Variants in MTUS2 observed in about 807,000 individuals in gnomAD.
MTUS2 encodes microtubule-associated tumor suppressor candidate 2.
In MTUS2, 40 loss-of-function variants were observed where a neutral mutation model predicts 114.1. The observed-to-expected ratio is 0.35, with a 90% CI of 0.27 to 0.46. The LOEUF is 0.46. MTUS2 is among the 20% of genes least tolerant of loss of function. MTUS2 has a pLI of 1.00. For missense variants in MTUS2, 1,679 were observed against 1,705.4 expected (o/e 0.98, Z 0.27); for synonymous variants, 688 against 672.0 (o/e 1.02, Z -0.37).
At chr13:29,460,943 A>AT in intron 9 of MTUS2, among the ~76,000 whole-genome samples, 1 of 150,620 alleles carries the variant, frequency 6.6e-6, no homozygotes, top group Middle Eastern at 3.5e-3. Context: ...TTTCTGTGGG[A>AT]TTTTTCTCTT....
chr13:28,872,070 G>A (rs1877650644), intron 2 of MTUS2, among the ~76,000 whole-genome samples: 1 of 152,214 alleles, frequency 6.6e-6, no homozygotes, highest in African/African-American at 2.4e-5. Flanking sequence ...GGAAGCATGT[G>A]AGCTGACTCA....
At chr13:29,171,156 G>GTGTA (rs1555246816) in intron 5 of MTUS2, among the ~76,000 whole-genome samples, 1,917 of 152,010 alleles carry the variant, frequency 0.013, 40 homozygotes, top group African/African-American at 0.043. Context: ...GTGTGTGTGT[G>GTGTA]TGTATGTGTG....
chr13:29,375,033 C>A (rs958518692), intron 8 of MTUS2, among the ~76,000 whole-genome samples: 6 of 152,074 alleles, frequency 3.9e-5, no homozygotes, highest in African/African-American at 1.4e-4. Flanking sequence ...AAAGAAATTG[C>A]TAAGATATGG....
At chr13:29,393,938 G>C (rs1566177464) in intron 8 of MTUS2, among the ~76,000 whole-genome samples, 1 of 152,166 alleles carries the variant, frequency 6.6e-6, no homozygotes, top group South Asian at 2.1e-4. Flanking sequence ...GAGGCAATCA[G>C]ATATGCATGT....
intron 5 of MTUS2, among the ~76,000 whole-genome samples, chr13:29,131,557 G>A (rs1484086905): frequency 1.3e-5 from 2 of 152,268 alleles, no homozygotes; most frequent in Admixed American, 1.3e-4. Context: ...TGGGGCAGAG[G>A]CATTGTCTTT....
At chr13:29,436,750 T>A (rs1877435724) in intron 8 of MTUS2, among the ~76,000 whole-genome samples, 1 of 151,968 alleles carries the variant, frequency 6.6e-6, no homozygotes, top group Non-Finnish European at 1.5e-5. Context: ...GTCTCTAATC[T>A]CACTTCTATC....
chr13:29,277,250 C>T (rs758501619), intron 5 of MTUS2, among the ~76,000 whole-genome samples: 1 of 152,080 alleles, frequency 6.6e-6, no homozygotes, highest in Admixed American at 6.6e-5. Context: ...TATCATGTAA[C>T]GTGGTCCTAG....
intron 2 of MTUS2, among the ~76,000 whole-genome samples, chr13:28,922,615 G>A (rs552163364): frequency 2.5e-4 from 38 of 152,236 alleles, no homozygotes; most frequent in African/African-American, 8.7e-4. Context: ...GAGAAGCATT[G>A]AGTTCAGTTT....
intron 5 of MTUS2, among the ~76,000 whole-genome samples, chr13:29,181,552 G>A (rs943419749): frequency 2.0e-5 from 3 of 152,186 alleles, no homozygotes; most frequent in African/African-American, 7.2e-5. Context: ...TCTGGGGCAG[G>A]AGCTCCTCAC....
At chr13:29,272,055 T>G (rs1417122789) in intron 5 of MTUS2, among the ~76,000 whole-genome samples, 1 of 152,228 alleles carries the variant, frequency 6.6e-6, no homozygotes, top group African/African-American at 2.4e-5. Flanking sequence ...AATATTTCAT[T>G]TTGAAAAAGA....
At chr13:29,311,576 C>T (rs1029216446) in intron 6 of MTUS2, among the ~76,000 whole-genome samples, 5 of 152,058 alleles carry the variant, frequency 3.3e-5, no homozygotes, top group African/African-American at 7.2e-5. Flanking sequence ...GAATACGTGT[C>T]CTTTTATAAG....
chr13:28,998,438 G>A (rs572193026), intron 2 of MTUS2, among the ~76,000 whole-genome samples: 1 of 152,294 alleles, frequency 6.6e-6, no homozygotes, highest in African/African-American at 2.4e-5. Flanking sequence ...ATATTGGCCT[G>A]CCTTGCTAGA....
intron 2 of MTUS2, among the ~76,000 whole-genome samples, chr13:29,010,210 C>CAAA (rs71658973): frequency 8.6e-6 from 1 of 116,410 alleles, no homozygotes; most frequent in African/African-American, 3.4e-5. Context: ...GACTCCGTCT[C>CAAA]AAAAAAAAAA....
intron 8 of MTUS2, among the ~76,000 whole-genome samples, chr13:29,368,266 C>A (rs145735254): frequency 3.4e-4 from 51 of 151,992 alleles, no homozygotes; most frequent in Non-Finnish European, 6.3e-4. Context: ...CCATGTATCA[C>A]CTGTCCCACC....
At chr13:29,197,605 T>C (rs144759976) in intron 5 of MTUS2, among the ~76,000 whole-genome samples, 2 of 152,216 alleles carry the variant, frequency 1.3e-5, no homozygotes, top group African/African-American at 4.8e-5. Context: ...TCAAATGGTA[T>C]TTCTGGTTCT....
chr13:29,144,544 T>C (rs985953190), intron 5 of MTUS2, among the ~76,000 whole-genome samples: 4 of 152,116 alleles, frequency 2.6e-5, no homozygotes, highest in African/African-American at 9.7e-5. Flanking sequence ...ATCCATTTTT[T>C]ATGGTCATTT....
intron 10 of MTUS2, among the ~76,000 whole-genome samples, chr13:29,485,579 C>T (rs1255231559): frequency 1.3e-5 from 2 of 152,124 alleles, no homozygotes; most frequent in Non-Finnish European, 2.9e-5. Context: ...GTATTTCATT[C>T]ATAAAAGCAC....
chr13:29,227,443 G>A (rs1224811296), intron 5 of MTUS2, among the ~76,000 whole-genome samples: 1 of 152,090 alleles, frequency 6.6e-6, no homozygotes, highest in East Asian at 1.9e-4. Context: ...CGAGGGGCTC[G>A]CTGTCTTAAG....
At chr13:28,873,388 C>T (rs1334435458) in intron 2 of MTUS2, among the ~76,000 whole-genome samples, 3 of 152,208 alleles carry the variant, frequency 2.0e-5, no homozygotes, top group African/African-American at 7.2e-5. Flanking sequence ...TTCTCTGAAC[C>T]CTGTCTAGTT....
Sources: gnomAD v4.1 joint callset for allele counts (sites outside exome capture counted in the v4.1 genomes callset) on GRCh38, gnomAD v4.1.1 for gene constraint, MANE v1.5 for transcripts, NCBI Gene and HGNC (gene_info 2026-07-23, HGNC 2026-07-21) for gene names.